Variants in WDFY3 observed in about 807,000 individuals in gnomAD.
WDFY3 encodes the protein WD repeat and FYVE domain containing 3, also known as WD repeat and FYVE domain-containing protein 3.
Under a neutral mutation model 409.6 loss-of-function variants are expected in WDFY3, and 66 were observed. The ratio of observed to expected loss-of-function variants is 0.16; its 90% CI spans 0.13 to 0.20. WDFY3 has a LOEUF of 0.20. Ranked by LOEUF, WDFY3 falls within the 10% of genes least tolerant of loss-of-function variation. WDFY3 has a pLI of 1.00. For synonymous variants in WDFY3, 1,521 were observed against 1,537.1 expected, an observed-to-expected ratio of 0.99 and a Z score of 0.25; for missense variants, 3,031 against 4,298.1, an observed-to-expected ratio of 0.71 and a Z score of 8.24.
chr4:84,898,284 T>C (rs1561031211), intron 2 of WDFY3, among the ~76,000 whole-genome samples: 1 of 152,192 alleles, frequency 6.6e-6, no homozygotes. Flanking sequence ...CAAAACTTCA[T>C]ATTAAATTTG....
intron 2 of WDFY3, among the ~76,000 whole-genome samples, chr4:84,909,347 A>AT (rs1767467412): frequency 6.6e-6 from 1 of 152,154 alleles, no homozygotes. Flanking sequence ...TTTATACTTC[A>AT]TAATTCTAAA....
chr4:84,769,851 T>C (rs926276839), intron 30 of WDFY3, among the ~76,000 whole-genome samples: 6 of 152,294 alleles, frequency 3.9e-5, no homozygotes, highest in African/African-American at 1.4e-4. Context: ...CCTGAAACCA[T>C]TGTTGTCTTA....
At chr4:84,731,669 G>T (rs1244928986) in intron 44 of WDFY3, among the ~76,000 whole-genome samples, 8 of 152,206 alleles carry the variant, frequency 5.3e-5, no homozygotes, top group Admixed American at 3.9e-4. Flanking sequence ...TAGGTAAAAT[G>T]CTGATGATAC....
chr4:84,948,370 T>C (rs1773167970), intron 1 of WDFY3, among the ~76,000 whole-genome samples: 1 of 152,072 alleles, frequency 6.6e-6, no homozygotes, highest in African/African-American at 2.4e-5. Context: ...CGTGATGCCA[T>C]ACCAATGCCA....
intron 3 of WDFY3, among the ~76,000 whole-genome samples, chr4:84,892,190 C>A (rs1765043067): frequency 6.6e-6 from 1 of 151,704 alleles, no homozygotes; most frequent in Admixed American, 6.6e-5. Flanking sequence ...TGGAATGTAT[C>A]CATGGGATCT....
intron 3 of WDFY3, among the ~76,000 whole-genome samples, chr4:84,874,624 T>C (rs1356629855): frequency 6.6e-6 from 1 of 152,162 alleles, no homozygotes. Context: ...TGTATATTGT[T>C]TTCTCTGCTA....
chr4:84,829,923 T>C (rs542904472), intron 8 of WDFY3, among the ~76,000 whole-genome samples: 45 of 152,036 alleles, frequency 3.0e-4, no homozygotes, highest in African/African-American at 1.1e-3. Flanking sequence ...ATTTGTATAA[T>C]ATATTATTAG....
intron 32 of WDFY3, among the ~76,000 whole-genome samples, chr4:84,760,200 G>T (rs943682149): frequency 3.3e-5 from 5 of 152,016 alleles, no homozygotes; most frequent in Admixed American, 6.6e-5. Context: ...GCTGGATTCG[G>T]TTTGCCAGTA....
intron 2 of WDFY3, among the ~76,000 whole-genome samples, chr4:84,907,713 G>A (rs77762872): frequency 1.3e-5 from 2 of 151,724 alleles, no homozygotes; most frequent in Non-Finnish European, 2.9e-5. Flanking sequence ...ATTCGTTCAA[G>A]CAATAATCAT....
rs376573342 is a variant in WDFY3, at chr4:84,875,225, G to A, written c.-31-14603C>T. ...GGAAGTTGCAGTTAGCCGAGATCAC[G>A]CCACTGCACTCCAGCCTGGGGTACC... On this transcript the variant is annotated intron_variant, in intron 3 of 67. Coordinates refer to ENST00000295888, the MANE Select transcript of WDFY3 (RefSeq NM_014991.6). Among the ~76,000 whole-genome samples the A allele has an allele frequency of 1.2e-4, 18 of 150,384 alleles. No individual in the cohort carries two copies. The East Asian group carries it at 3.1e-3, about 26-fold the overall frequency.
chr4:84,839,842 G>A (rs909319188), intron 6 of WDFY3, among the ~76,000 whole-genome samples: 13 of 151,638 alleles, frequency 8.6e-5, no homozygotes, highest in South Asian at 2.1e-4. Flanking sequence ...CAGGCTGGGT[G>A]ACAGAGCAAG....
Position 84,670,810 on chromosome 4 carries a change from T to C in WDFY3, c.*2058A>G, listed in dbSNP as rs913617235. On this transcript the variant is annotated 3_prime_UTR_variant, in exon 68 of 68. Transcript: ENST00000295888. ...AGGGGCAAGGCCCACAGTTACATAA[T>C]AGCACAATTTCTGCAACTGTTGAAC... 6.6e-6 allele frequency: 1 copy of C among 152,454 alleles called. No homozygotes were observed. Among genetic ancestry groups the C allele is most frequent in the Non-Finnish European group, 1.5e-5 (1 of 68,026 alleles). The allele number at this position is 152,454 out of a possible 1,614,324, so 9.4% of individuals were successfully genotyped here.
chr4:84,845,254 AAGGT>A (rs1757934505), intron 5 of WDFY3, among the ~76,000 whole-genome samples: 1 of 152,224 alleles, frequency 6.6e-6, no homozygotes, highest in Non-Finnish European at 1.5e-5. Context: ...GGAATAATAA[AAGGT>A]TCACTTCACC....
At chr4:84,882,935 G>T (rs1313870245) in intron 3 of WDFY3, among the ~76,000 whole-genome samples, 2 of 152,046 alleles carry the variant, frequency 1.3e-5, no homozygotes, top group Admixed American at 6.6e-5. Flanking sequence ...GTCAAACTCT[G>T]GGCTAGAGCG....
chr4:84,728,772 C>T (rs1208597778), intron 44 of WDFY3, among the ~76,000 whole-genome samples: 1 of 152,026 alleles, frequency 6.6e-6, no homozygotes, highest in Non-Finnish European at 1.5e-5. Flanking sequence ...TACTAAAAGG[C>T]CCAGCACTCA....
chr4:84,693,890 C>G (rs1011054973), intron 58 of WDFY3, among the ~76,000 whole-genome samples: 2 of 136,948 alleles, frequency 1.5e-5, no homozygotes, highest in Non-Finnish European at 3.0e-5. Flanking sequence ...AGCGAGACTC[C>G]GTCTCAAAAA....
intron 15 of WDFY3, 41 bp downstream of exon 15, chr4:84,808,293 C>T (rs764164320): frequency 5.4e-6 from 8 of 1,494,904 alleles, no homozygotes; most frequent in Non-Finnish European, 6.4e-6. Flanking sequence ...AAAAAGGAAC[C>T]CCACACAAAT....
chr4:84,896,404 A>G (rs1379315664), intron 3 of WDFY3, among the ~76,000 whole-genome samples: 1 of 152,100 alleles, frequency 6.6e-6, no homozygotes, highest in African/African-American at 2.4e-5. Context: ...ACAAGCAGAG[A>G]CCCTCAATTT....
intron 64 of WDFY3, among the ~76,000 whole-genome samples, chr4:84,680,344 T>C (rs1727147989): frequency 6.6e-6 from 1 of 152,154 alleles, no homozygotes; most frequent in Non-Finnish European, 1.5e-5. Context: ...GGCTGGAGTG[T>C]AGTGGAGCGA....
Sources: allele counts gnomAD v4.1 joint callset (sites outside exome capture counted in the v4.1 genomes callset), GRCh38; gene constraint gnomAD v4.1.1; transcripts MANE v1.5; gene names NCBI Gene and HGNC (gene_info 2026-07-23, HGNC 2026-07-21).